SLC25A21: variants seen among roughly 807,000 people sequenced by gnomAD.
The protein encoded by SLC25A21 is mitochondrial 2-oxodicarboxylate carrier.
In SLC25A21, 47 loss-of-function variants were observed where a neutral mutation model predicts 43.8. The ratio of observed to expected loss-of-function variants is 1.07; its 90% CI spans 0.85 to 1.37. The LOEUF (loss-of-function observed/expected upper bound fraction) is 1.37, where lower values mean the gene tolerates loss of function less well. SLC25A21 is among the 40% of genes most tolerant of loss of function. The probability of loss-of-function intolerance (pLI) is 0.00; values close to 1 mark genes in which losing one functional copy is unlikely to be tolerated. For missense variants in SLC25A21, 352 were observed against 350.2 expected, an observed-to-expected ratio of 1.00 and a Z score of -0.04; for synonymous variants, 131 against 121.3, an observed-to-expected ratio of 1.08 and a Z score of -0.52.
At chr14:36,712,896 C>T (rs530873733) in intron 6 of SLC25A21, among the ~76,000 whole-genome samples, 327 of 152,100 alleles carry the variant, frequency 2.1e-3, no homozygotes, top group African/African-American at 7.4e-3. Context: ...TTTTGGTTTT[C>T]AAAAGAGATA....
chr14:37,075,874 C>T (rs1369862804), intron 1 of SLC25A21, among the ~76,000 whole-genome samples: 1 of 152,196 alleles, frequency 6.6e-6, no homozygotes, highest in Non-Finnish European at 1.5e-5. Context: ...CCAGAATTGG[C>T]TTACGCCCTG....
At chr14:37,134,555 G>A (rs1312651093) in intron 1 of SLC25A21, among the ~76,000 whole-genome samples, 2 of 151,114 alleles carry the variant, frequency 1.3e-5, no homozygotes, top group African/African-American at 4.9e-5. Flanking sequence ...TGAGGTGGGA[G>A]AACAGCTTGA....
chr14:36,681,072 T>G (rs1005139775), intron 9 of SLC25A21, among the ~76,000 whole-genome samples: 2 of 152,118 alleles, frequency 1.3e-5, no homozygotes, highest in African/African-American at 4.8e-5. Flanking sequence ...CTTCAGATTC[T>G]TCATGTGTAG....
chr14:36,937,624 G>C (rs1892457034), intron 1 of SLC25A21, among the ~76,000 whole-genome samples: 1 of 152,162 alleles, frequency 6.6e-6, no homozygotes, highest in African/African-American at 2.4e-5. Flanking sequence ...CGTAAACTAT[G>C]CCAACATAAT....
chr14:37,150,128 G>A (rs895069910), intron 1 of SLC25A21, among the ~76,000 whole-genome samples: 1 of 152,120 alleles, frequency 6.6e-6, no homozygotes, highest in African/African-American at 2.4e-5. Context: ...TGGCATTTGA[G>A]TCCCAGATAC....
At chr14:36,728,307 C>T (rs1418356643) in intron 5 of SLC25A21, among the ~76,000 whole-genome samples, 1 of 152,168 alleles carries the variant, frequency 6.6e-6, no homozygotes, top group Non-Finnish European at 1.5e-5. Flanking sequence ...TCTCAAGAGT[C>T]CAAAGACCTA....
chr14:36,792,024 G>A (rs924535872), intron 3 of SLC25A21, among the ~76,000 whole-genome samples: 1 of 152,044 alleles, frequency 6.6e-6, no homozygotes, highest in African/African-American at 2.4e-5. Flanking sequence ...TCAGTAAAGA[G>A]TTCTAAAAAG....
chr14:36,848,525 G>A (rs754119540), intron 2 of SLC25A21, among the ~76,000 whole-genome samples: 3 of 152,100 alleles, frequency 2.0e-5, no homozygotes, highest in East Asian at 1.9e-4. Context: ...GGAACTCTTC[G>A]CAGCATTTAG....
intron 1 of SLC25A21, among the ~76,000 whole-genome samples, chr14:37,040,240 A>G (rs140601724): frequency 0.61 from 2,514 of 4,112 alleles, 593 homozygotes; most frequent in Middle Eastern, 0.75. Context: ...GAAAGGGAGG[A>G]AGGGAGGAAG....
intron 1 of SLC25A21, among the ~76,000 whole-genome samples, chr14:37,132,377 T>C (rs1963406043): frequency 6.6e-6 from 1 of 152,148 alleles, no homozygotes; most frequent in African/African-American, 2.4e-5. Context: ...TTAACCACTA[T>C]ACTCACAGGA....
At chr14:36,876,279 C>T (rs1890520197) in intron 1 of SLC25A21, among the ~76,000 whole-genome samples, 2 of 152,310 alleles carry the variant, frequency 1.3e-5, no homozygotes, top group South Asian at 4.1e-4. Flanking sequence ...CCTGAAGGCC[C>T]ACTTTGCTTC....
chr14:37,163,088 C>A (rs1194774279), intron 1 of SLC25A21, among the ~76,000 whole-genome samples: 6 of 141,274 alleles, frequency 4.2e-5, no homozygotes, highest in Admixed American at 7.8e-5. Flanking sequence ...GGGAATTGAA[C>A]AATGAGAACA....
In SLC25A21 at chr14:36,973,469, A is replaced by T. The variant is rs377500984; in HGVS notation, c.71-98465T>A. On this transcript the variant is annotated intron_variant, in intron 1 of 9. Transcript: ENST00000331299. ...AGAAAACAGAAAAGTTGCAGCTAGG[A>T]TGACTGTCTGCTTCCATTACCAGAA... is the stretch of plus-strand genomic sequence containing the variant. Among the ~76,000 whole-genome samples the T allele has an allele frequency of 2.0e-5, 3 of 152,162 alleles. No homozygotes were observed. The East Asian group carries it at 5.8e-4, about 29-fold the overall frequency.
chr14:36,903,614 GAAAAAA>G (rs71124784), intron 1 of SLC25A21, among the ~76,000 whole-genome samples: 13 of 50,460 alleles, frequency 2.6e-4, no homozygotes, highest in African/African-American at 4.6e-4. Flanking sequence ...CTCCGTCTCA[GAAAAAA>G]AAAAAAAAAA....
chr14:37,093,683 G>A (rs1457370885), intron 1 of SLC25A21, among the ~76,000 whole-genome samples: 1 of 152,146 alleles, frequency 6.6e-6, no homozygotes, highest in East Asian at 1.9e-4. Flanking sequence ...GGGGATGAAT[G>A]GAGGGGAGAG....
At chr14:36,816,581 CAA>C (rs1055304934) in intron 2 of SLC25A21, among the ~76,000 whole-genome samples, 1 of 149,004 alleles carries the variant, frequency 6.7e-6, no homozygotes, top group Non-Finnish European at 1.5e-5. Flanking sequence ...ATTGCATCTT[CAA>C]ACTCCTAGGC....
At chr14:36,703,262 C>A (rs968872396) in intron 7 of SLC25A21, among the ~76,000 whole-genome samples, 3 of 152,164 alleles carry the variant, frequency 2.0e-5, no homozygotes, top group Non-Finnish European at 4.4e-5. Context: ...CCCAAAGGTG[C>A]ATTTTTCATT....
rs574644016 is a variant in SLC25A21 at position 36,821,096 on chromosome 14, T to C, written c.120-7095A>G. On this transcript the variant is annotated intron_variant, in intron 2 of 9. Coordinates refer to ENST00000331299, the MANE Select transcript of SLC25A21 (RefSeq NM_030631.4). ...AGCATAGCCAAAGTCAGACCAAACA[T>C]GCAAAGACATGTCTGAGGTTTTGAA... 7.2e-5 allele frequency among the ~76,000 whole-genome samples: 11 copies of C among 152,324 alleles called. No individual in the cohort carries two copies. The South Asian group carries it at 2.3e-3, about 32-fold the overall frequency.
chr14:36,928,030 C>T (rs1487241852), intron 1 of SLC25A21, among the ~76,000 whole-genome samples: 1 of 152,102 alleles, frequency 6.6e-6, no homozygotes, highest in Non-Finnish European at 1.5e-5. Context: ...TTAAATACGG[C>T]TACAATGCTA....
Sources: gnomAD v4.1 joint callset for allele counts (sites outside exome capture counted in the v4.1 genomes callset) on GRCh38, gnomAD v4.1.1 for gene constraint, MANE v1.5 for transcripts, NCBI Gene and HGNC (gene_info 2026-07-23, HGNC 2026-07-21) for gene names.